The following SPATA18 variants were observed in gnomAD, a reference collection of about 807,000 sequenced individuals.
The protein encoded by SPATA18 is mitochondria-eating protein.
SPATA18 carries 54 observed loss-of-function variants against 68.1 expected under a neutral mutation model. The ratio of observed to expected loss-of-function variants is 0.79; its 90% confidence interval spans 0.64 to 0.99. The LOEUF (loss-of-function observed/expected upper bound fraction) is 0.99, where lower values mean the gene tolerates loss of function less well. SPATA18 is among the 50% of genes least tolerant of loss of function. The probability of loss-of-function intolerance (pLI) is 0.00; values close to 1 mark genes in which losing one functional copy is unlikely to be tolerated. For missense variants in SPATA18, 724 were observed against 681.1 expected (o/e 1.06, Z -0.70); for synonymous variants, 242 against 244.8 (o/e 0.99, Z 0.11).
rs149967303 is a variant in SPATA18, at chr4:52,079,795, G to A, written c.1231G>A (p.Val411Ile). ...TCCCAAGATTTCATTCCCTCCTGTC[G>A]TTGACTTTTGCCTTCTCAGTGACTT... The part of the protein sequence containing the change: ...VNPKISFPPV[V>I]DFCLLSDFIQ... Residue 411 changes from valine to isoleucine, a missense_variant, in exon 9 of 13, where the codon GTT (valine) becomes ATT (isoleucine). By Grantham distance (29) the Val-to-Ile change is conservative. Transcript: ENST00000295213. The A allele has an allele frequency of 6.6e-5, 106 of 1,613,950 alleles. No homozygotes were observed. In the African/African-American group the frequency reaches 8.4e-4, roughly 13 times the overall value.
At chr4:52,072,697 C>T (rs566948190) in intron 6 of SPATA18, among the ~76,000 whole-genome samples, 7 of 152,292 alleles carry the variant, frequency 4.6e-5, no homozygotes, top group African/African-American at 1.7e-4. Flanking sequence ...TGAGCCACCA[C>T]GCCCGGCTAT....
At position 52,051,651 on chromosome 4, in the gene SPATA18, C is replaced by G; in HGVS notation, c.-54C>G. Reference sequence around the variant, plus strand: ...CCCACGGTCCTGCGGAGGCCACCGCCTGGTCCCCCCAAGTCTCCATCGCGC... The same window carrying G: ...CCCACGGTCCTGCGGAGGCCACCGCGTGGTCCCCCCAAGTCTCCATCGCGC... On this transcript the variant is annotated 5_prime_UTR_variant, in exon 1 of 13. Coordinates refer to ENST00000295213, the MANE Select transcript of SPATA18 (RefSeq NM_145263.4). The G allele has an allele frequency of 6.4e-7, 1 of 1,567,356 alleles. No homozygotes were observed. Among genetic ancestry groups the G allele is most frequent in the Non-Finnish European group, 8.8e-7 (1 of 1,137,502 alleles).
At chr4:52,083,988 C>G (rs1741182628) in intron 10 of SPATA18, among the ~76,000 whole-genome samples, 2 of 151,300 alleles carry the variant, frequency 1.3e-5, no homozygotes, top group Admixed American at 1.3e-4. Context: ...ATCCACCCAC[C>G]TCAGCATCCC....
intron 10 of SPATA18, among the ~76,000 whole-genome samples, chr4:52,084,153 A>G (rs532336881): frequency 1.3e-5 from 2 of 152,270 alleles, no homozygotes; most frequent in African/African-American, 2.4e-5. Flanking sequence ...TTGCTCCTAC[A>G]GCAGTCACAC....
rs1741141593 is a variant in SPATA18 at position 52,083,609 on chromosome 4, GTGGTGCATACCTGTAGTACCAGCTACT to G, written c.1479+1103_1479+1129del. On this transcript the variant is annotated intron_variant, in intron 10 of 12. Coordinates refer to ENST00000295213, the MANE Select transcript of SPATA18 (RefSeq NM_145263.4). ...AAAATAAACAAATTAGCTGGGCATCGTGGTGCATACCTGTAGTACCAGCTACTTGGGAGGCTGAGGAGGGAGGATTGC... is the reference window on the plus strand; with the variant it reads ...AAAATAAACAAATTAGCTGGGCATCGTGGGAGGCTGAGGAGGGAGGATTGC... 7.8e-6 allele frequency: 3 copies of G among 386,992 alleles called. No individual in the cohort carries two copies. The Middle Eastern group carries it at 3.9e-3, about 499-fold the overall frequency. The allele number at this position is 386,992 out of a possible 1,614,324, so 24.0% of individuals were successfully genotyped here. A position where few individuals can be genotyped will look rare whatever the true frequency, so the allele number is the denominator to read the frequency against.
At chr4:52,077,739 CTGTT>C (rs1189731438) in intron 7 of SPATA18, among the ~76,000 whole-genome samples, 2 of 152,086 alleles carry the variant, frequency 1.3e-5, no homozygotes, top group African/African-American at 4.8e-5. Flanking sequence ...ATTAATGCTT[CTGTT>C]TGTTTAATTA....
At chr4:52,054,347 A>G (rs1355301328) in intron 1 of SPATA18, among the ~76,000 whole-genome samples, 1 of 152,096 alleles carries the variant, frequency 6.6e-6, no homozygotes, top group Non-Finnish European at 1.5e-5. Context: ...TAACATCCTC[A>G]CTTTCTTAGG....
At chr4:52,054,046 T>A (rs1264706423) in intron 1 of SPATA18, among the ~76,000 whole-genome samples, 4 of 152,384 alleles carry the variant, frequency 2.6e-5, no homozygotes, top group African/African-American at 2.4e-5. Context: ...TTGCTCGTCC[T>A]AGAGCAATGC....
At chr4:52,056,676 T>C (rs1738372861) in intron 1 of SPATA18, among the ~76,000 whole-genome samples, 1 of 152,100 alleles carries the variant, frequency 6.6e-6, no homozygotes, top group South Asian at 2.1e-4. Flanking sequence ...CAGGTGTAAT[T>C]TGGGGCTGGG....
At position 52,084,906 on chromosome 4, in the gene SPATA18, CTT is replaced by C; in HGVS notation, c.1480-5_1480-4del. The C allele has an allele frequency of 6.2e-7, 1 of 1,613,706 alleles. No homozygotes were observed. On this transcript the variant is annotated splice_polypyrimidine_tract_variant and splice_region_variant and intron_variant, in intron 10 of 12. Transcript: ENST00000295213. ...TGACTATGTCTCTCTCTTTCTCTCT[CTT>C]TTTTAAGTGGAATTCGGTGCGATCT...
intron 1 of SPATA18, among the ~76,000 whole-genome samples, chr4:52,057,039 C>T (rs784943): frequency 0.58 from 87,730 of 151,914 alleles, 29,176 homozygotes; most frequent in Middle Eastern, 0.75. Context: ...TCACACCTCA[C>T]CAGAGGTTAT....
intron 1 of SPATA18, 119 bp from the exon 2 acceptor site, chr4:52,060,300 C>T (rs1738712871): frequency 1.4e-6 from 1 of 707,528 alleles, no homozygotes; most frequent in East Asian, 2.7e-5. Context: ...ACACAGCAGT[C>T]CTGCCACAAA....
chr4:52,059,347 G>A (rs1338718998), intron 1 of SPATA18, among the ~76,000 whole-genome samples: 1 of 152,202 alleles, frequency 6.6e-6, no homozygotes, highest in Non-Finnish European at 1.5e-5. Flanking sequence ...ATAAATCGAT[G>A]CATTTTTACA....
In SPATA18 at chr4:52,071,846, C is replaced by T; in HGVS notation, c.519-71C>T. The T allele has an allele frequency of 2.7e-6, 4 of 1,491,958 alleles. No homozygotes were observed. The South Asian group carries it at 3.8e-5, about 14-fold the overall frequency. The allele number at this position is 1,491,958 out of a possible 1,614,324, so 92.4% of individuals were successfully genotyped here. On this transcript the variant is annotated intron_variant, in intron 5 of 12. Coordinates refer to ENST00000295213, the MANE Select transcript of SPATA18 (RefSeq NM_145263.4). Reference sequence around the variant, plus strand: ...AAGCATGCCAATTGCTGCTTATTACCTTTCCTTCCTTCCTTCACTCCCTCC... The same window carrying T: ...AAGCATGCCAATTGCTGCTTATTACTTTTCCTTCCTTCCTTCACTCCCTCC...
chr4:52,082,516 G>A lies in SPATA18; in HGVS notation c.1479+6G>A. ...TCACCAGGAGAGGGGCTTTTGTACG[G>A]TGGCCTTGCATAGTGACAATTCATC... On this transcript the variant is annotated splice_donor_region_variant and intron_variant, in intron 10 of 12. Transcript: ENST00000295213. The A allele has an allele frequency of 6.2e-7, 1 of 1,613,996 alleles. No individual in the cohort carries two copies.
At chr4:52,062,668 G>T (rs1042404098) in intron 4 of SPATA18, among the ~76,000 whole-genome samples, 2 of 151,976 alleles carry the variant, frequency 1.3e-5, no homozygotes, top group Non-Finnish European at 1.5e-5. Context: ...TCTACCTATT[G>T]GGAGAAAAAT....
intron 1 of SPATA18, among the ~76,000 whole-genome samples, chr4:52,053,481 C>T (rs991819624): frequency 5.3e-5 from 8 of 152,226 alleles, no homozygotes; most frequent in Non-Finnish European, 1.0e-4. Flanking sequence ...ACTCCTGCTT[C>T]ATCTGTTACA....
At chr4:52,087,481 A>G (rs1741539715) in intron 11 of SPATA18, among the ~76,000 whole-genome samples, 1 of 152,136 alleles carries the variant, frequency 6.6e-6, no homozygotes, top group African/African-American at 2.4e-5. Context: ...AGTTTTCTGC[A>G]TTATGGCTAG....
At chr4:52,091,380 G>A (rs954532274) in intron 11 of SPATA18, among the ~76,000 whole-genome samples, 7 of 152,168 alleles carry the variant, frequency 4.6e-5, no homozygotes, top group African/African-American at 1.7e-4. Flanking sequence ...TCTGGTTTTT[G>A]GAATTTTCAG....
Sources: allele counts gnomAD v4.1 joint callset (sites outside exome capture counted in the v4.1 genomes callset), GRCh38; gene constraint gnomAD v4.1.1; transcripts MANE v1.5; gene names NCBI Gene and HGNC (gene_info 2026-07-23, HGNC 2026-07-21).